The following CHERP variants were observed in gnomAD, a reference collection of about 807,000 sequenced individuals.
The protein encoded by CHERP is calcium homeostasis endoplasmic reticulum protein.
A neutral mutation model predicts 113.8 loss-of-function variants in CHERP; 8 were observed. The ratio of observed to expected loss-of-function variants is 0.07; its 90% confidence interval spans 0.04 to 0.13. The LOEUF is 0.13. Among genes scored for constraint, CHERP ranks in the 10% least tolerant of loss-of-function variants. The pLI, the probability that CHERP is intolerant of heterozygous loss-of-function variation, is 1.00. For synonymous variants in CHERP, 559 were observed against 524.5 expected (o/e 1.07, Z -0.90); for missense variants, 884 against 1,298.2 (o/e 0.68, Z 4.90).
Position 16,530,474 on chromosome 19 carries a change from A to G in CHERP, c.876+111T>C. On this transcript the variant is annotated intron_variant, in intron 7 of 16. Transcript: ENST00000546361. The surrounding 1 kb of genome is among the most constrained non-coding windows in gnomAD (Gnocchi z 4.1). ...TGGCTACTCCTAGCACAGGCAGGGG[A>G]CATGGGCTCTCTGGCTGCTGGGGTG... 1 of 945,740 alleles carries G rather than the reference A, an allele frequency of 1.1e-6. No homozygotes were observed. The highest frequency in any genetic ancestry group is 1.7e-6 in the Non-Finnish European group (1 of 588,294). 58.6% of individuals were successfully genotyped at this position (945,740 alleles called of 1,614,324 possible). A position where few individuals can be genotyped will look rare whatever the true frequency, so the allele number is the denominator to read the frequency against.
Position 16,533,232 on chromosome 19 carries a change from G to A in CHERP, c.385-84C>T, listed in dbSNP as rs549522130. On this transcript the variant is annotated intron_variant, in intron 3 of 16. Transcript: ENST00000546361. ...CTCCGGCCTGGCTCAGCAGGGGCGG[G>A]GTGGGGACATGGTGGCGATGCCCGG... The A allele has an allele frequency of 1.9e-5, 27 of 1,389,748 alleles. No individual in the cohort carries two copies. The East Asian group carries it at 6.0e-4, about 31-fold the overall frequency. 86.1% of individuals were successfully genotyped at this position (1,389,748 alleles called of 1,614,324 possible).
chr19:16,540,451 C>A (rs1020537664), intron 2 of CHERP, among the ~76,000 whole-genome samples: 1 of 150,554 alleles, frequency 6.6e-6, no homozygotes, highest in African/African-American at 2.5e-5. Context: ...CGGCTCAATG[C>A]AACCTCCAGC....
Position 16,519,763 on chromosome 19 carries a change from A to G in CHERP, c.2463-48T>C. ...TTTTTAAGAAGTAACTGAGACATTTATTGGAATGACAGTGATGAGGACCTC... is the reference window on the plus strand; with the variant it reads ...TTTTTAAGAAGTAACTGAGACATTTGTTGGAATGACAGTGATGAGGACCTC... On this transcript the variant is annotated intron_variant, in intron 15 of 16. Transcript: ENST00000546361. The surrounding 1 kb of genome is among the most constrained non-coding windows in gnomAD (Gnocchi z 6.0). 1.3e-6 allele frequency: 2 copies of G among 1,499,130 alleles called. No individual in the cohort carries two copies. The highest frequency in any genetic ancestry group is 1.9e-6 in the Non-Finnish European group (2 of 1,075,642). The allele number at this position is 1,499,130 out of a possible 1,614,324, so 92.9% of individuals were successfully genotyped here.
intron 5 of CHERP, among the ~76,000 whole-genome samples, chr19:16,531,188 G>A (rs1307552089): frequency 6.6e-6 from 1 of 152,250 alleles, no homozygotes; most frequent in Non-Finnish European, 1.5e-5. Flanking sequence ...TGGCGCTGCG[G>A]GTGAAGGGAT....
rs1278664172 is a variant in CHERP at position 16,521,013 on chromosome 19, A to G, written c.2115-101T>C. 7 of 1,019,752 alleles carry G rather than the reference A, an allele frequency of 6.9e-6. No individual in the cohort carries two copies. The African/African-American group carries it at 7.8e-5, about 11-fold the overall frequency. 63.2% of individuals were successfully genotyped at this position (1,019,752 alleles called of 1,614,324 possible). On this transcript the variant is annotated intron_variant, in intron 12 of 16. Transcript: ENST00000546361. ...TAATCCACAGAACCTTGGAGAGTAC[A>G]TGGCCCTGTGGCTGTGGGCTCCGAG...
At chr19:16,526,963 T>G (rs183547996) in intron 9 of CHERP, among the ~76,000 whole-genome samples, 1 of 152,364 alleles carries the variant, frequency 6.6e-6, no homozygotes, top group Non-Finnish European at 1.5e-5. Context: ...CTTGCCTTGT[T>G]GCCCAGGCTG....
intron 10 of CHERP, among the ~76,000 whole-genome samples, chr19:16,524,726 T>A (rs1372946715): frequency 6.6e-6 from 1 of 151,768 alleles, no homozygotes; most frequent in African/African-American, 2.4e-5. Flanking sequence ...CATCTCTATT[T>A]AAAATAAAAT....
In CHERP at chr19:16,525,339, C is replaced by A; in HGVS notation, c.1644G>T (p.Pro548=). Residue 548 remains proline, a synonymous_variant, in exon 10 of 17, where the codon CCG becomes CCT. Coordinates refer to ENST00000546361, the MANE Select transcript of CHERP (RefSeq NM_006387.6). The surrounding 1 kb of genome is among the most constrained non-coding windows in gnomAD (Gnocchi z 6.5). ...PPHPHNFNRF[P]PRFMQDDFPP... is the part of the protein sequence containing the mutation. ...GGAAGTCGTCCTGCATGAAGCGGGG[C>A]GGGAAGCGGTTGAAGTTGTGGGGGT... 1 of 1,477,844 alleles carries A rather than the reference C, an allele frequency of 6.8e-7. No individual in the cohort carries two copies. Among genetic ancestry groups the A allele is most frequent in the South Asian group, 1.4e-5 (1 of 70,632 alleles). The allele number at this position is 1,477,844 out of a possible 1,614,324, so 91.5% of individuals were successfully genotyped here.
intron 12 of CHERP, chr19:16,521,158 T>TG: frequency 1.7e-6 from 1 of 586,810 alleles, no homozygotes; most frequent in Non-Finnish European, 3.0e-6. Context: ...TGGGGACCCA[T>TG]GGTCTGTGGA....
Position 16,532,462 on chromosome 19 carries a change from C to T in CHERP, c.674+136G>A. ...CTGGTGGCTCACAGAGACCCCCCACCCGGGGTCCCCGGACAAGTGCCCCCT... is the reference window on the plus strand; with the variant it reads ...CTGGTGGCTCACAGAGACCCCCCACTCGGGGTCCCCGGACAAGTGCCCCCT... On this transcript the variant is annotated intron_variant, in intron 5 of 16. Coordinates refer to ENST00000546361, the MANE Select transcript of CHERP (RefSeq NM_006387.6). This position sits in a 1 kb window ranked among gnomAD's most constrained non-coding sequence, Gnocchi z 4.4. The T allele has an allele frequency of 7.2e-6, 8 of 1,118,782 alleles. No individual in the cohort carries two copies. Among genetic ancestry groups the T allele is most frequent in the Admixed American group, 2.9e-5 (1 of 33,988 alleles). 69.3% of individuals were successfully genotyped at this position (1,118,782 alleles called of 1,614,324 possible). A position where few individuals can be genotyped will look rare whatever the true frequency, so the allele number is the denominator to read the frequency against.
In CHERP at chr19:16,520,466, C is replaced by T. The variant is rs199601560; in HGVS notation, c.2243G>A (p.Arg748His). 62 of 1,613,952 alleles carry T rather than the reference C, an allele frequency of 3.8e-5. No homozygotes were observed. The highest frequency in any genetic ancestry group is 1.6e-4 in the Middle Eastern group (1 of 6,084). Reference protein sequence around the residue: ...RSRSRSKSRGRSSSRSNSRSS... With the variant: ...RSRSRSKSRGHSSSRSNSRSS... ...TCTTGAGTTGGAGCGGGAGGAAGAA[C>T]GCCCTCGACTCTTGGATCTGCTCCG... Residue 748 changes from arginine to histidine, a missense_variant, in exon 14 of 17, where the codon CGT (arginine) becomes CAT (histidine). Transcript: ENST00000546361. The surrounding 1 kb of genome is among the most constrained non-coding windows in gnomAD (Gnocchi z 4.0).
Position 16,530,965 on chromosome 19 carries a change from C to G in CHERP, c.675-85G>C, listed in dbSNP as rs866899104. On this transcript the variant is annotated intron_variant, in intron 5 of 16. Coordinates refer to ENST00000546361, the MANE Select transcript of CHERP (RefSeq NM_006387.6). The surrounding 1 kb of genome is among the most constrained non-coding windows in gnomAD (Gnocchi z 4.1). ...GTTACCATCGCGGCTCCAGCCTCAG[C>G]GCCCTCTGCCTTCTCGGGAATCGGG... 2.6e-6 allele frequency: 4 copies of G among 1,541,634 alleles called. No individual in the cohort carries two copies. The highest frequency in any genetic ancestry group is 2.7e-5 in the African/African-American group (2 of 73,198).
At position 16,535,360 on chromosome 19, in the gene CHERP, C is replaced by T; in HGVS notation, c.384+92G>A. On this transcript the variant is annotated intron_variant, in intron 3 of 16. Transcript: ENST00000546361. The surrounding 1 kb of genome is among the most constrained non-coding windows in gnomAD (Gnocchi z 4.3). ...GGTGGCAGGGGGGGCCCTGTCCTCA[C>T]TGACACCTGTTATTCATTCTGATGA... 1 of 1,406,194 alleles carries T rather than the reference C, an allele frequency of 7.1e-7. No homozygotes were observed. Among genetic ancestry groups the T allele is most frequent in the Non-Finnish European group, 9.7e-7 (1 of 1,032,724 alleles). The allele number at this position is 1,406,194 out of a possible 1,614,324, so 87.1% of individuals were successfully genotyped here.
rs932303715 is a variant in CHERP at position 16,529,909 on chromosome 19, G to A, written c.877-9C>T. ...TCGTTGATGAGGGTGGCCTGAGAGA[G>A]AGAAGAGCACCCGCTGCTCAGTATG... On this transcript the variant is annotated splice_polypyrimidine_tract_variant and intron_variant, in intron 7 of 16. Transcript: ENST00000546361. The A allele has an allele frequency of 6.2e-7, 1 of 1,611,600 alleles. No homozygotes were observed. Among genetic ancestry groups the A allele is most frequent in the Non-Finnish European group, 8.5e-7 (1 of 1,178,838 alleles).
At chr19:16,540,830 T>C (rs1478081038) in intron 2 of CHERP, among the ~76,000 whole-genome samples, 1 of 151,860 alleles carries the variant, frequency 6.6e-6, no homozygotes, top group Non-Finnish European at 1.5e-5. Context: ...CCCAAGTAGC[T>C]GGGACTACAG....
At position 16,525,758 on chromosome 19, in the gene CHERP, C is replaced by G; in HGVS notation, c.1306-81G>C. On this transcript the variant is annotated intron_variant, in intron 9 of 16. Transcript: ENST00000546361. The surrounding 1 kb of genome is among the most constrained non-coding windows in gnomAD (Gnocchi z 6.5). ...AGCATCACAGCGCTCGGCAGCATCACAGCGCTGGCTCAGACCATGGAGGCG... is the reference window on the plus strand; with the variant it reads ...AGCATCACAGCGCTCGGCAGCATCAGAGCGCTGGCTCAGACCATGGAGGCG... The G allele has an allele frequency of 3.1e-6, 4 of 1,302,510 alleles. No homozygotes were observed. The highest frequency in any genetic ancestry group is 1.6e-5 in the South Asian group (1 of 62,086). 80.7% of individuals were successfully genotyped at this position (1,302,510 alleles called of 1,614,324 possible). A position where few individuals can be genotyped will look rare whatever the true frequency, so the allele number is the denominator to read the frequency against.
In CHERP at chr19:16,525,289, G is replaced by A. The variant is rs779221688; in HGVS notation, c.1694C>T (p.Pro565Leu). The stretch of plus-strand genomic sequence containing the variant: ...GTAGTCGAAGCGGTGGGGATAGGGC[G>A]GCCGCTCGAAGGGGTGCCGTGGCGG... ...DFPPRHPFER[P>L]PYPHRFDYPQ... The change falls in exon 10 of 17, where the codon CCG becomes CTG. Residue 565 changes from proline (P) to leucine (L), a missense_variant. By Grantham distance (98) the Pro-to-Leu change is moderately conservative (BLOSUM62 -3). Coordinates refer to ENST00000546361, the MANE Select transcript of CHERP (RefSeq NM_006387.6). This position sits in a 1 kb window ranked among gnomAD's most constrained non-coding sequence, Gnocchi z 6.5. 1 of 1,446,990 alleles carries A rather than the reference G, an allele frequency of 6.9e-7. No individual in the cohort carries two copies. Among genetic ancestry groups the A allele is most frequent in the East Asian group, 2.6e-5 (1 of 38,458 alleles). The allele number at this position is 1,446,990 out of a possible 1,614,324, so 89.6% of individuals were successfully genotyped here.
At position 16,529,648 on chromosome 19, in the gene CHERP, C is replaced by T; in HGVS notation, c.1129G>A (p.Asp377Asn). 2 of 1,541,566 alleles carry T rather than the reference C, an allele frequency of 1.3e-6. No homozygotes were observed. Among genetic ancestry groups the T allele is most frequent in the Non-Finnish European group, 1.7e-6 (2 of 1,147,502 alleles). Residue 377 changes from aspartate to asparagine, a missense_variant and splice_region_variant, in exon 8 of 17, where the codon GAT becomes AAT. Asp to Asn is a conservative substitution (Grantham distance 23). Around this residue, in one of 8 missense-constraint regions of CHERP, gnomAD observed 464 missense variants for 590.1 expected, o/e 0.79. Coordinates refer to ENST00000546361, the MANE Select transcript of CHERP (RefSeq NM_006387.6). ...APAIPPTTQP[D>N]DSKPPIQMPG... ...AGGCTGAGCTGAGGGAGCCCCGTAC[C>T]AGGCTGGGTGGTGGGCGGGATGGCA...
intron 8 of CHERP, among the ~76,000 whole-genome samples, chr19:16,529,268 T>C (rs1023645978): frequency 6.6e-6 from 1 of 152,230 alleles, no homozygotes; most frequent in African/African-American, 2.4e-5. Context: ...TCTGCCCATC[T>C]TGGCCTCCCA....
Sources: allele counts gnomAD v4.1 joint callset (sites outside exome capture counted in the v4.1 genomes callset), GRCh38; gene constraint gnomAD v4.1.1; regional missense constraint gnomAD v4.1.1; non-coding constraint Gnocchi (gnomAD v3.1); transcripts MANE v1.5; gene names NCBI Gene and HGNC (gene_info 2026-07-23, HGNC 2026-07-21).